MYL12B: variants seen among roughly 807,000 people sequenced by gnomAD.
MYL12B encodes myosin light chain 12B.
Under a neutral mutation model 12.9 loss-of-function variants are expected in MYL12B, and 3 were observed. That is an observed-to-expected ratio of 0.23 (90% CI 0.11 to 0.60). The LOEUF (loss-of-function observed/expected upper bound fraction) is 0.60. Among genes scored for constraint, MYL12B ranks in the 20% least tolerant of loss-of-function variants. MYL12B has a pLI of 0.89. For missense variants in MYL12B, 120 were observed against 215.4 expected (o/e 0.56, Z 2.77); for synonymous variants, 57 against 71.9 (o/e 0.79, Z 1.05).
At position 3,277,982 on chromosome 18, in the gene MYL12B, T is replaced by C. The variant is rs779511346; in HGVS notation, c.*45T>C. On this transcript the variant is annotated 3_prime_UTR_variant, in exon 4 of 4. Coordinates refer to ENST00000237500, the MANE Select transcript of MYL12B (RefSeq NM_033546.4). ...TTCCAGTTACATTGTCTTACTCTCTTTTACTTCTCAGACACTTCCCCCACC... is the reference window on the plus strand; with the variant it reads ...TTCCAGTTACATTGTCTTACTCTCTCTTACTTCTCAGACACTTCCCCCACC... The C allele has an allele frequency of 1.9e-6, 3 of 1,590,858 alleles. No homozygotes were observed. Among genetic ancestry groups the C allele is most frequent in the Admixed American group, 3.5e-5 (2 of 56,688 alleles).
At chr18:3,267,059 TTAA>T (rs1229406570) in intron 1 of MYL12B, among the ~76,000 whole-genome samples, 2 of 152,222 alleles carry the variant, frequency 1.3e-5, no homozygotes, top group African/African-American at 4.8e-5. Flanking sequence ...AGTGGTTAAC[TTAA>T]TAATCTAAGT....
chr18:3,277,469 G>A (rs6506101), intron 3 of MYL12B, 55 bp downstream of exon 3: 1,500,915 of 1,549,066 alleles, frequency 0.97, 727,774 homozygotes, highest in Non-Finnish European at 0.98. Flanking sequence ...AAGTACTTCT[G>A]TGAAATAGAA....
intron 1 of MYL12B, among the ~76,000 whole-genome samples, chr18:3,265,273 A>AT (rs2081626834): frequency 1.3e-5 from 2 of 152,210 alleles, no homozygotes; most frequent in South Asian, 4.1e-4. Flanking sequence ...TTAACTTGAT[A>AT]TATACTAAAT....
rs6506099 is a variant in MYL12B, at chr18:3,272,857, C to T, written c.-15-27C>T. 1,477,578 of 1,524,228 alleles carry T rather than the reference C, an allele frequency of 0.97. 716,808 individuals are homozygous for T. The highest frequency in any genetic ancestry group is 0.98 in the Non-Finnish European group (1,109,729 of 1,131,826). The allele number at this position is 1,524,228 out of a possible 1,614,324, so 94.4% of individuals were successfully genotyped here. A position where few individuals can be genotyped will look rare whatever the true frequency, so the allele number is the denominator to read the frequency against. On this transcript the variant is annotated intron_variant, in intron 1 of 3. Transcript: ENST00000237500. ...TTGTTTTATACATTGTTTTGTTTTA[C>T]GTTTTTGTGTTTTTTTTTTAATCCA...
At chr18:3,269,647 G>A (rs1407808642) in intron 1 of MYL12B, among the ~76,000 whole-genome samples, 2 of 152,208 alleles carry the variant, frequency 1.3e-5, no homozygotes. Context: ...CAGGCCTGGA[G>A]GTTCGGATTT....
chr18:3,272,796 C>A, intron 1 of MYL12B, 88 bp from the exon 2 acceptor site: 1 of 1,167,702 alleles, frequency 8.6e-7, no homozygotes, highest in Admixed American at 2.8e-5. Flanking sequence ...ATATTTTTAC[C>A]TACAGACTTT....
In MYL12B at chr18:3,269,558, T is replaced by G. The variant is rs75544539; in HGVS notation, c.-15-3326T>G. On this transcript the variant is annotated intron_variant, in intron 1 of 3. Transcript: ENST00000237500. Reference sequence around the variant, plus strand: ...ATAATTGAGTTTTCAGCATGTTGATTATGAGTGTCTGTGGCATATCCAGAT... The same window carrying G: ...ATAATTGAGTTTTCAGCATGTTGATGATGAGTGTCTGTGGCATATCCAGAT... Among the ~76,000 whole-genome samples the G allele has an allele frequency of 9.9e-3, 1,512 of 152,206 alleles. 29 individuals are homozygous for G. The highest frequency in any genetic ancestry group is 0.035 in the African/African-American group (1,436 of 41,522).
At chr18:3,276,903 G>T (rs2081736253) in intron 2 of MYL12B, 4 of 944,688 alleles carry the variant, frequency 4.2e-6, no homozygotes, top group Non-Finnish European at 3.7e-6. Flanking sequence ...GGGCATGGTG[G>T]CACATGCCTA....
chr18:3,269,280 C>T (rs185344592), intron 1 of MYL12B, among the ~76,000 whole-genome samples: 1 of 152,176 alleles, frequency 6.6e-6, no homozygotes, highest in Admixed American at 6.5e-5. Flanking sequence ...GCCTAGAAAA[C>T]TAAGGGTAGT....
intron 3 of MYL12B, among the ~76,000 whole-genome samples, 168 bp downstream of exon 3, chr18:3,277,582 CAG>C (rs2081743835): frequency 1.3e-5 from 2 of 152,174 alleles, no homozygotes; most frequent in South Asian, 2.1e-4. Context: ...AATATTAACA[CAG>C]AACTCTAAGA....
chr18:3,272,469 C>A (rs536223613), intron 1 of MYL12B, among the ~76,000 whole-genome samples: 2 of 152,174 alleles, frequency 1.3e-5, no homozygotes, highest in Admixed American at 6.5e-5. Context: ...ATTTTAAATT[C>A]TCACTTCATA....
At chr18:3,265,839 GAGGA>G (rs1361718414) in intron 1 of MYL12B, among the ~76,000 whole-genome samples, 16 of 152,108 alleles carry the variant, frequency 1.1e-4, no homozygotes, top group African/African-American at 3.9e-4. Context: ...TGGGAATGTT[GAGGA>G]AGGGTGACTC....
chr18:3,271,749 C>A (rs573405997), intron 1 of MYL12B, among the ~76,000 whole-genome samples: 1 of 152,170 alleles, frequency 6.6e-6, no homozygotes, highest in African/African-American at 2.4e-5. Flanking sequence ...AACTCCAGAG[C>A]TGATGGTATT....
At chr18:3,267,444 CA>C (rs1272000660) in intron 1 of MYL12B, among the ~76,000 whole-genome samples, 2 of 152,178 alleles carry the variant, frequency 1.3e-5, no homozygotes, top group African/African-American at 4.8e-5. Flanking sequence ...TTTCTGTTTG[CA>C]TATCAGTACT....
chr18:3,265,513 C>T (rs1280583263), intron 1 of MYL12B, among the ~76,000 whole-genome samples: 2 of 151,984 alleles, frequency 1.3e-5, no homozygotes, highest in African/African-American at 4.8e-5. Context: ...GAGGGCTTTA[C>T]CTTGTGCCTC....
At chr18:3,263,570 C>T (rs1408840930) in intron 1 of MYL12B, among the ~76,000 whole-genome samples, 1 of 152,210 alleles carries the variant, frequency 6.6e-6, no homozygotes, top group Non-Finnish European at 1.5e-5. Flanking sequence ...ACTGCAATTT[C>T]TGAAGGACAG....
At chr18:3,271,620 G>A (rs923708889) in intron 1 of MYL12B, among the ~76,000 whole-genome samples, 1 of 152,130 alleles carries the variant, frequency 6.6e-6, no homozygotes, top group African/African-American at 2.4e-5. Context: ...CCTTGCGTTT[G>A]ATTATTTGCT....
chr18:3,273,832 G>T (rs2081703767), intron 2 of MYL12B, among the ~76,000 whole-genome samples: 1 of 133,184 alleles, frequency 7.5e-6, no homozygotes, highest in Admixed American at 8.1e-5. Context: ...TGGCCAAAAA[G>T]GCAAAGAAAG....
intron 2 of MYL12B, among the ~76,000 whole-genome samples, chr18:3,273,785 A>ACT (rs2081703331): frequency 6.6e-6 from 1 of 151,654 alleles, no homozygotes; most frequent in Non-Finnish European, 1.5e-5. Context: ...GATGGCCTAC[A>ACT]GTGAGACTTT....
Sources: gnomAD v4.1 joint callset for allele counts (sites outside exome capture counted in the v4.1 genomes callset) on GRCh38, gnomAD v4.1.1 for gene constraint, MANE v1.5 for transcripts, NCBI Gene and HGNC (gene_info 2026-07-23, HGNC 2026-07-21) for gene names.